The following SEC14L5 variants were observed in gnomAD, a reference collection of about 807,000 sequenced individuals.
The protein encoded by SEC14L5 is SEC14-like protein 5.
A neutral mutation model predicts 84.6 loss-of-function variants in SEC14L5; 96 were observed. That is an observed-to-expected ratio of 1.13 (90% CI 0.96 to 1.34). SEC14L5 has a LOEUF of 1.34. Ranked by LOEUF, SEC14L5 falls within the 40% of genes most tolerant of loss-of-function variation. The pLI is 0.00. For missense variants in SEC14L5, 1,224 were observed against 942.5 expected (o/e 1.30, Z -3.91); for synonymous variants, 546 against 383.4 (o/e 1.42, Z -4.95).
intron 15 of SEC14L5, among the ~76,000 whole-genome samples, chr16:5,012,104 C>T (rs1315406336): frequency 6.6e-6 from 1 of 152,162 alleles, no homozygotes; most frequent in African/African-American, 2.4e-5. Context: ...GGAGCATGGG[C>T]ACCCAGAGTG....
chr16:5,012,473 C>T (rs7204264), intron 15 of SEC14L5, among the ~76,000 whole-genome samples: 3,962 of 152,250 alleles, frequency 0.026, 163 homozygotes, highest in African/African-American at 0.089. Flanking sequence ...GGTGGTGGCT[C>T]GGATCGTGGG....
chr16:5,010,726 C>T (rs1325317769), intron 14 of SEC14L5, among the ~76,000 whole-genome samples: 2 of 152,178 alleles, frequency 1.3e-5, no homozygotes, highest in African/African-American at 4.8e-5. Flanking sequence ...TCTCTCTAAG[C>T]ACCTGTGAGC....
At chr16:4,988,801 A>C (rs1364431141) in intron 4 of SEC14L5, among the ~76,000 whole-genome samples, 1 of 152,258 alleles carries the variant, frequency 6.6e-6, no homozygotes, top group Non-Finnish European at 1.5e-5. Flanking sequence ...ATACTGATTG[A>C]GCACCTACTA....
At position 5,007,339 on chromosome 16, in the gene SEC14L5, C is replaced by T. The variant is rs1380527252; in HGVS notation, c.1438-13C>T. 1 of 1,612,834 alleles carries T rather than the reference C, an allele frequency of 6.2e-7. No homozygotes were observed. Among genetic ancestry groups the T allele is most frequent in the Non-Finnish European group, 8.5e-7 (1 of 1,179,322 alleles). On this transcript the variant is annotated splice_polypyrimidine_tract_variant and intron_variant, in intron 12 of 15. Coordinates refer to ENST00000251170, the MANE Select transcript of SEC14L5 (RefSeq NM_014692.2). The stretch of plus-strand genomic sequence containing the variant: ...CTGGCCCTGACCTGCTGCCCTTTAT[C>T]TCTGACCTGCAGTGTAATGTCCCCG...
At chr16:4,989,327 G>GTTTTT (rs5815223) in intron 4 of SEC14L5, among the ~76,000 whole-genome samples, 3 of 136,454 alleles carry the variant, frequency 2.2e-5, no homozygotes, top group Non-Finnish European at 1.6e-5. Flanking sequence ...TGTTTGTTTT[G>GTTTTT]TTTTTTTTTT....
chr16:4,976,592 A>T (rs1024598930), intron 2 of SEC14L5, among the ~76,000 whole-genome samples: 2 of 152,208 alleles, frequency 1.3e-5, no homozygotes, highest in African/African-American at 4.8e-5. Context: ...ATTCAGGGCT[A>T]TTTAGCTCCA....
At chr16:4,963,822 C>T (rs1339961771) in intron 2 of SEC14L5, among the ~76,000 whole-genome samples, 4 of 152,090 alleles carry the variant, frequency 2.6e-5, no homozygotes, top group Non-Finnish European at 4.4e-5. Flanking sequence ...CCACCATACC[C>T]GGCTAGTTTT....
intron 6 of SEC14L5, among the ~76,000 whole-genome samples, chr16:4,993,981 T>TTTTG (rs1421175662): frequency 5.3e-5 from 8 of 151,858 alleles, no homozygotes; most frequent in Admixed American, 1.3e-4. Flanking sequence ...TTTTTTTTTT[T>TTTTG]TTAATAATAC....
At chr16:4,959,463 G>A (rs1955092803) in intron 2 of SEC14L5, 77 bp downstream of exon 2, 2 of 1,228,518 alleles carry the variant, frequency 1.6e-6, no homozygotes, top group Admixed American at 3.4e-5. Flanking sequence ...TAGGAAGACG[G>A]AGCTCCTTAG....
chr16:4,996,618 C>G (rs1052232644), intron 7 of SEC14L5, among the ~76,000 whole-genome samples, 158 bp downstream of exon 7: 2 of 152,132 alleles, frequency 1.3e-5, no homozygotes, highest in Non-Finnish European at 2.9e-5. Flanking sequence ...AAGTCTCACT[C>G]TGTCCCCCAG....
At chr16:5,012,333 G>A (rs909123168) in intron 15 of SEC14L5, among the ~76,000 whole-genome samples, 3 of 152,068 alleles carry the variant, frequency 2.0e-5, no homozygotes, top group Non-Finnish European at 2.9e-5. Flanking sequence ...CCAGAGGGGT[G>A]GGCTGGGCCA....
rs76977301 is a variant in SEC14L5 at position 5,003,829 on chromosome 16, C to T, written c.1302+256C>T. Among the ~76,000 whole-genome samples, 868 of 152,360 alleles carry T rather than the reference C, an allele frequency of 5.7e-3. 7 individuals are homozygous for T. The highest frequency in any genetic ancestry group is 0.02 in the African/African-American group (822 of 41,594). ...GTCGCCCCAAAAAGAACCCCCATGC[C>T]CATTATCGTGGGTCTCAAATTCCTG... On this transcript the variant is annotated intron_variant, in intron 11 of 15. Transcript: ENST00000251170.
intron 10 of SEC14L5, among the ~76,000 whole-genome samples, chr16:5,002,192 C>T (rs1301543976): frequency 6.6e-5 from 10 of 152,226 alleles, no homozygotes; most frequent in Admixed American, 6.5e-4. Context: ...ATTTCCTCCT[C>T]CTAAACAGCC....
chr16:5,005,774 G>C, intron 11 of SEC14L5, 140 bp from the exon 12 acceptor site: 1 of 767,842 alleles, frequency 1.3e-6, no homozygotes, highest in Non-Finnish European at 2.0e-6. Context: ...TGAGGCAGGA[G>C]GATGGCGTGA....
chr16:5,005,043 G>A (rs1229061905), intron 11 of SEC14L5, among the ~76,000 whole-genome samples: 1 of 152,246 alleles, frequency 6.6e-6, no homozygotes, highest in Non-Finnish European at 1.5e-5. Context: ...GGGCGAGGTG[G>A]CTCACGCCTG....
chr16:4,996,708 G>T (rs1249212139), intron 7 of SEC14L5, 147 bp from the exon 8 acceptor site: 2 of 666,126 alleles, frequency 3.0e-6, no homozygotes, highest in African/African-American at 1.8e-5. Flanking sequence ...AGTAGCTGGG[G>T]TTACAGGCGC....
Position 5,016,545 on chromosome 16 carries a change from C to T in SEC14L5, c.*1575C>T, listed in dbSNP as rs1395315112. The T allele has an allele frequency of 3.9e-5, 6 of 152,216 alleles. No homozygotes were observed. Among genetic ancestry groups the T allele is most frequent in the African/African-American group, 1.2e-4 (5 of 41,442 alleles). 9.4% of individuals were successfully genotyped at this position (152,216 alleles called of 1,614,324 possible). A position where few individuals can be genotyped will look rare whatever the true frequency, so the allele number is the denominator to read the frequency against. ...ATTGACTTGCGCCCAGCCCACATTACACATCCTCATGACCTGCGTGGCAGG... is the reference window on the plus strand; with the variant it reads ...ATTGACTTGCGCCCAGCCCACATTATACATCCTCATGACCTGCGTGGCAGG... On this transcript the variant is annotated 3_prime_UTR_variant, in exon 16 of 16. Transcript: ENST00000251170.
chr16:5,005,598 A>C (rs1181969580), intron 11 of SEC14L5, among the ~76,000 whole-genome samples: 1 of 151,912 alleles, frequency 6.6e-6, no homozygotes, highest in Non-Finnish European at 1.5e-5. Context: ...GTGGTGGCTC[A>C]CACCTGTAAT....
At chr16:4,993,032 T>C (rs1955568636) in intron 6 of SEC14L5, among the ~76,000 whole-genome samples, 1 of 151,066 alleles carries the variant, frequency 6.6e-6, no homozygotes, top group Admixed American at 6.6e-5. Flanking sequence ...CCATAACTAA[T>C]TTATTAATAA....
Sources: allele counts gnomAD v4.1 joint callset (sites outside exome capture counted in the v4.1 genomes callset), GRCh38; gene constraint gnomAD v4.1.1; transcripts MANE v1.5; gene names NCBI Gene and HGNC (gene_info 2026-07-23, HGNC 2026-07-21).